Variants in SOX6 observed in about 807,000 individuals in gnomAD.
The protein encoded by SOX6 is SRY-box transcription factor 6.
In SOX6, 11 loss-of-function variants were observed where a neutral mutation model predicts 97.8. The ratio of observed to expected loss-of-function variants is 0.11; its 90% confidence interval spans 0.07 to 0.19. The LOEUF (loss-of-function observed/expected upper bound fraction) is 0.19. Ranked by LOEUF, SOX6 falls within the 10% of genes least tolerant of loss-of-function variation. The pLI is 1.00. For missense variants in SOX6, 810 were observed against 1,039.5 expected, an observed-to-expected ratio of 0.78 and a Z score of 3.04; for synonymous variants, 360 against 371.4, an observed-to-expected ratio of 0.97 and a Z score of 0.35.
intron 9 of SOX6, among the ~76,000 whole-genome samples, chr11:16,072,660 G>A (rs890905621): frequency 3.9e-5 from 6 of 152,162 alleles, no homozygotes; most frequent in Admixed American, 1.3e-4. Flanking sequence ...ATTCTCCAAG[G>A]GCAAAATGAA....
chr11:16,711,103 G>T (rs1415122277), intron 3 of SOX6, among the ~76,000 whole-genome samples: 2 of 152,022 alleles, frequency 1.3e-5, no homozygotes, highest in Non-Finnish European at 2.9e-5. Context: ...CCTTAACCCA[G>T]GTCCCCATTA....
intron 4 of SOX6, among the ~76,000 whole-genome samples, chr11:16,231,873 TA>T (rs1262692967): frequency 6.6e-6 from 1 of 151,742 alleles, no homozygotes; most frequent in African/African-American, 2.4e-5. Context: ...GAAAATAGAT[TA>T]CAAAAAAATT....
At chr11:16,520,842 A>G (rs993173119) in intron 4 of SOX6, among the ~76,000 whole-genome samples, 2 of 152,246 alleles carry the variant, frequency 1.3e-5, no homozygotes, top group Non-Finnish European at 2.9e-5. Flanking sequence ...CACCTGGCTC[A>G]GAGGGTTCTA....
intron 3 of SOX6, among the ~76,000 whole-genome samples, chr11:16,297,189 T>G (rs1256750222): frequency 6.6e-6 from 1 of 152,114 alleles, no homozygotes; most frequent in Non-Finnish European, 1.5e-5. Context: ...TCAAAACTAT[T>G]TGTCACACAG....
intron 13 of SOX6, among the ~76,000 whole-genome samples, chr11:16,008,448 A>G (rs373586228): frequency 3.9e-5 from 6 of 152,096 alleles, no homozygotes; most frequent in African/African-American, 4.8e-5. Context: ...AGGCAGCCCA[A>G]TGAGAAACCA....
At chr11:16,332,023 G>A (rs775350086) in intron 2 of SOX6, among the ~76,000 whole-genome samples, 4 of 152,064 alleles carry the variant, frequency 2.6e-5, no homozygotes, top group Non-Finnish European at 5.9e-5. Context: ...GAGAACAGTA[G>A]CCAAAAGGAG....
At chr11:16,233,540 T>C (rs548732340) in intron 4 of SOX6, among the ~76,000 whole-genome samples, 155 of 152,278 alleles carry the variant, frequency 1.0e-3, no homozygotes, top group African/African-American at 3.6e-3. Flanking sequence ...CTGATGAAAT[T>C]TGAGCTTTAT....
intron 6 of SOX6, among the ~76,000 whole-genome samples, chr11:16,170,644 T>C (rs1851014269): frequency 6.6e-6 from 1 of 152,010 alleles, no homozygotes; most frequent in Non-Finnish European, 1.5e-5. Flanking sequence ...GCTGTCCTCT[T>C]CAAATTCAAT....
intron 6 of SOX6, among the ~76,000 whole-genome samples, chr11:16,142,699 C>T (rs777755080): frequency 2.6e-5 from 4 of 151,924 alleles, no homozygotes; most frequent in Non-Finnish European, 5.9e-5. Flanking sequence ...AACTACGTGA[C>T]GAATGCCCAA....
intron 1 of SOX6, chr11:16,408,635 C>A (rs1858732787): frequency 2.0e-5 from 3 of 152,106 alleles, no homozygotes; most frequent in Admixed American, 6.5e-5. Context: ...TTGTTTTAAA[C>A]TATTTTTTAC....
chr11:16,583,860 C>CTAA (rs1001486921), intron 4 of SOX6, among the ~76,000 whole-genome samples: 10 of 151,534 alleles, frequency 6.6e-5, no homozygotes, highest in African/African-American at 2.4e-4. Context: ...AATGGCTGTA[C>CTAA]TAATGTACAT....
intron 3 of SOX6, chr11:16,317,418 T>C (rs1401387863): frequency 6.6e-6 from 1 of 151,942 alleles, no homozygotes; most frequent in Non-Finnish European, 1.5e-5. Flanking sequence ...CTCGAGTAGA[T>C]TGAAGAATTT....
At chr11:16,538,656 A>G (rs930124220) in intron 4 of SOX6, among the ~76,000 whole-genome samples, 1 of 152,250 alleles carries the variant, frequency 6.6e-6, no homozygotes, top group Admixed American at 6.5e-5. Flanking sequence ...AAAACAAAAA[A>G]AAAGCAGGGG....
chr11:16,283,033 A>AAATTATATATAATTTG (rs1854611620), intron 3 of SOX6, among the ~76,000 whole-genome samples: 6 of 126,614 alleles, frequency 4.7e-5, no homozygotes, highest in Non-Finnish European at 1.1e-4. Flanking sequence ...ATATATATAT[A>AAATTATATATAATTTG]TATATATATG....
chr11:16,178,893 G>A (rs1384944821), intron 6 of SOX6, among the ~76,000 whole-genome samples: 1 of 151,824 alleles, frequency 6.6e-6, no homozygotes, highest in African/African-American at 2.4e-5. Context: ...TTTTCTGTTG[G>A]GTGCTCCAGC....
At chr11:16,105,354 C>G (rs1423594187) in intron 7 of SOX6, among the ~76,000 whole-genome samples, 2 of 151,882 alleles carry the variant, frequency 1.3e-5, no homozygotes, top group Non-Finnish European at 2.9e-5. Flanking sequence ...AAAAAATTCT[C>G]AGAAAACTAG....
chr11:16,570,758 C>T (rs908199087), intron 4 of SOX6, among the ~76,000 whole-genome samples: 1 of 152,146 alleles, frequency 6.6e-6, no homozygotes, highest in African/African-American at 2.4e-5. Context: ...TTAATAAATA[C>T]ACATACTAGA....
intron 4 of SOX6, among the ~76,000 whole-genome samples, chr11:16,571,282 G>A (rs34391086): frequency 0.16 from 24,243 of 152,096 alleles, 2,064 homozygotes; most frequent in Non-Finnish European, 0.18. Flanking sequence ...GCAGAGCTCC[G>A]TAGGCATTTT....
intron 3 of SOX6, among the ~76,000 whole-genome samples, chr11:16,251,619 C>T (rs1853512941): frequency 6.6e-6 from 1 of 152,052 alleles, no homozygotes; most frequent in African/African-American, 2.4e-5. Flanking sequence ...AGAGATGACT[C>T]CAGGTCCTGA....
Sources: gnomAD v4.1 joint callset for allele counts (sites outside exome capture counted in the v4.1 genomes callset) on GRCh38, gnomAD v4.1.1 for gene constraint, MANE v1.5 for transcripts, NCBI Gene and HGNC (gene_info 2026-07-23, HGNC 2026-07-21) for gene names.